The following NR3C1 variants were observed in gnomAD, a reference collection of about 807,000 sequenced individuals.
NR3C1 encodes nuclear receptor subfamily 3 group C member 1.
Under a neutral mutation model 74.0 loss-of-function variants are expected in NR3C1, and 14 were observed. The ratio of observed to expected loss-of-function variants is 0.19; its 90% CI spans 0.12 to 0.30. The LOEUF (loss-of-function observed/expected upper bound fraction) is 0.30, where lower values mean the gene tolerates loss of function less well. Ranked by LOEUF, NR3C1 falls within the 10% of genes least tolerant of loss-of-function variation. The pLI is 1.00. For synonymous variants in NR3C1, 308 were observed against 332.5 expected, an observed-to-expected ratio of 0.93 and a Z score of 0.80; for missense variants, 695 against 909.8, an observed-to-expected ratio of 0.76 and a Z score of 3.04.
intron 2 of NR3C1, among the ~76,000 whole-genome samples, chr5:143,354,506 G>C (rs1830758812): frequency 6.6e-6 from 1 of 152,148 alleles, no homozygotes; most frequent in Admixed American, 6.5e-5. Context: ...TTGTCTCTCA[G>C]GGATTTGAGA....
intron 7 of NR3C1, among the ~76,000 whole-genome samples, chr5:143,288,663 GGGTTTCGACATTTTGCCCAGGCT>G (rs1815138394): frequency 6.6e-6 from 1 of 152,022 alleles, no homozygotes; most frequent in African/African-American, 2.4e-5. Flanking sequence ...TGTAGTGACA[GGGTTTCGACATTTTGCCCAGGCT>G]GGTCTCAAAC....
At chr5:143,401,509 C>G (rs187781363) in intron 1 of NR3C1, 1 of 154,088 alleles carries the variant, frequency 6.5e-6, no homozygotes, top group African/African-American at 2.4e-5. Context: ...ACTGGATGTG[C>G]CTACCTCCAA....
At position 143,279,392 on chromosome 5, in the gene NR3C1, G is replaced by T; in HGVS notation, c.*2497C>A. 1 of 1,547,886 alleles carries T rather than the reference G, an allele frequency of 6.5e-7. No individual in the cohort carries two copies. On this transcript the variant is annotated 3_prime_UTR_variant, in exon 9 of 9. Coordinates refer to ENST00000394464, the MANE Select transcript of NR3C1 (RefSeq NM_000176.3). ...GATTAATGTGTGAGATGTGCTTTCT[G>T]GTTTTAACCACATAACATTCTATAA...
chr5:143,408,450 C>T (rs1385736965), upstream of NR3C1, among the ~76,000 whole-genome samples: 1 of 151,566 alleles, frequency 6.6e-6, no homozygotes, highest in Non-Finnish European at 1.5e-5. Context: ...TTTTTTTAAA[C>T]AAAGTAGAAC....
chr5:143,395,714 C>T (rs1839063494), intron 2 of NR3C1, among the ~76,000 whole-genome samples: 1 of 151,874 alleles, frequency 6.6e-6, no homozygotes, highest in Admixed American at 6.6e-5. Context: ...AAGCCTCAGA[C>T]CTTGTCTAAG....
intron 1 of NR3C1, among the ~76,000 whole-genome samples, chr5:143,415,784 T>G (rs1326001599): frequency 6.6e-6 from 1 of 152,198 alleles, no homozygotes; most frequent in Non-Finnish European, 1.5e-5. Flanking sequence ...CTCAGGCAAA[T>G]GTGATTTGCA....
At chr5:143,419,752 T>C (rs1416986669) in intron 1 of NR3C1, among the ~76,000 whole-genome samples, 1 of 152,172 alleles carries the variant, frequency 6.6e-6, no homozygotes, top group Non-Finnish European at 1.5e-5. Context: ...AAATTAAAAT[T>C]GCTAACAAAG....
At chr5:143,291,570 T>A (rs1274324840) in intron 7 of NR3C1, among the ~76,000 whole-genome samples, 1 of 152,020 alleles carries the variant, frequency 6.6e-6, no homozygotes, top group Admixed American at 6.6e-5. Flanking sequence ...GGTGGCAAAC[T>A]TTATTTTCAC....
intron 1 of NR3C1, chr5:143,409,024 T>TAC (rs985003973): frequency 6.6e-6 from 1 of 152,202 alleles, no homozygotes; most frequent in Non-Finnish European, 1.5e-5. Flanking sequence ...ATTAAGTAAG[T>TAC]ACAGTAATAA....
intron 7 of NR3C1, among the ~76,000 whole-genome samples, chr5:143,294,632 C>A (rs556331278): frequency 1.3e-5 from 2 of 152,246 alleles, no homozygotes; most frequent in East Asian, 3.9e-4. Context: ...CTGTGCTCTG[C>A]ACATTTATCC....
Position 143,420,208 on chromosome 5 carries a change from T to C in NR3C1, c.-14+14324A>G, listed in dbSNP as rs551201124. On this transcript the variant is annotated intron_variant, in intron 1 of 8. Coordinates refer to the NR3C1 transcript ENST00000343796. ...TCTACAATTTGTGCAGTTAACACAA[T>C]TATCACAGGGTCCTGAGGCAACATA... is the stretch of plus-strand genomic sequence containing the variant. Among the ~76,000 whole-genome samples the C allele has an allele frequency of 5.3e-5, 8 of 152,250 alleles. No individual in the cohort carries two copies. The South Asian group carries it at 1.7e-3, about 32-fold the overall frequency.
chr5:143,397,557 C>A (rs1479717606), intron 2 of NR3C1, among the ~76,000 whole-genome samples: 2 of 151,742 alleles, frequency 1.3e-5, no homozygotes, highest in African/African-American at 4.8e-5. Flanking sequence ...TAAGTTAATG[C>A]CATAAGGTAT....
intron 2 of NR3C1, among the ~76,000 whole-genome samples, chr5:143,355,130 CAAAAT>C (rs1830908964): frequency 6.6e-6 from 1 of 151,770 alleles, no homozygotes; most frequent in Non-Finnish European, 1.5e-5. Context: ...TGAAACAAAA[CAAAAT>C]AAACACGCAA....
At chr5:143,310,936 A>C (rs1820799320) in intron 3 of NR3C1, among the ~76,000 whole-genome samples, 1 of 152,162 alleles carries the variant, frequency 6.6e-6, no homozygotes, top group Non-Finnish European at 1.5e-5. Context: ...GATTACAGGC[A>C]TGAGCCACCA....
intron 2 of NR3C1, among the ~76,000 whole-genome samples, chr5:143,366,882 T>G (rs1353276394): frequency 6.6e-6 from 1 of 152,164 alleles, no homozygotes; most frequent in Non-Finnish European, 1.5e-5. Context: ...AAAGAACAAT[T>G]ACCAACAATC....
intron 2 of NR3C1, among the ~76,000 whole-genome samples, chr5:143,396,450 A>G (rs1317296789): frequency 6.6e-6 from 1 of 151,818 alleles, no homozygotes; most frequent in Non-Finnish European, 1.5e-5. Context: ...AAAGGTAGGA[A>G]GTAAAGAAAG....
chr5:143,405,394 G>A (rs552254800), upstream of NR3C1: 1 of 979,236 alleles, frequency 1.0e-6, no homozygotes, highest in East Asian at 1.1e-4. Flanking sequence ...AGACGATTGG[G>A]GAAGCGCGTC....
At chr5:143,434,821 G>T in exon 1 of NR3C1, 1 of 985,436 alleles carries the variant, frequency 1.0e-6, no homozygotes, top group South Asian at 4.7e-5. Context: ...ACTTAGATAT[G>T]ACGCAGATTC....
Position 143,295,522 on chromosome 5 carries a change from T to C in NR3C1, c.1961A>G (p.His654Arg), listed in dbSNP as rs755126916. Residue 654 changes from histidine to arginine, a missense_variant, in exon 7 of 9, where the codon CAC becomes CGC. His to Arg is a conservative substitution (Grantham distance 29, BLOSUM62 0). This residue lies in a region of NR3C1 where 133 missense variants were observed against 287.9 expected (regional missense o/e 0.46). Coordinates refer to ENST00000394464, the MANE Select transcript of NR3C1 (RefSeq NM_000176.3). ...CTCTTCATAAGATACCTGAAGCCTGTGTAACTCAGAGGAAACATACAGCAT... is the reference window on the plus strand; with the variant it reads ...CTCTTCATAAGATACCTGAAGCCTGCGTAACTCAGAGGAAACATACAGCAT... ...KHMLYVSSELHRLQVSYEEYL... is the reference protein window; with the variant it reads ...KHMLYVSSELRRLQVSYEEYL... 1 of 1,613,352 alleles carries C rather than the reference T, an allele frequency of 6.2e-7. No individual in the cohort carries two copies. Among genetic ancestry groups the C allele is most frequent in the Non-Finnish European group, 8.5e-7 (1 of 1,179,512 alleles).
Sources: allele counts gnomAD v4.1 joint callset (sites outside exome capture counted in the v4.1 genomes callset), GRCh38; gene constraint gnomAD v4.1.1; regional missense constraint gnomAD v4.1.1; transcripts MANE v1.5; gene names NCBI Gene and HGNC (gene_info 2026-07-23, HGNC 2026-07-21).